TRIM66: variants seen among roughly 807,000 people sequenced by gnomAD.
TRIM66 encodes tripartite motif-containing protein 66.
TRIM66 carries 99 observed loss-of-function variants against 148.2 expected under a neutral mutation model. The observed-to-expected ratio is 0.67, with a 90% CI of 0.57 to 0.79. The LOEUF (loss-of-function observed/expected upper bound fraction) is 0.79, where lower values mean the gene tolerates loss of function less well. TRIM66 is among the 30% of genes least tolerant of loss of function. The pLI, the probability that TRIM66 is intolerant of heterozygous loss-of-function variation, is 0.00. For missense variants in TRIM66, 1,666 were observed against 1,697.9 expected (o/e 0.98, Z 0.33); for synonymous variants, 616 against 635.9 (o/e 0.97, Z 0.47).
chr11:8,622,365 C>CACACATATATATATATATATATATATAT, intron 18 of TRIM66, among the ~76,000 whole-genome samples: 6 of 59,570 alleles, frequency 1.0e-4, no homozygotes, highest in South Asian at 1.1e-3. Context: ...CACACACACA[C>CACACATATATATATATATATATATATAT]ATATATATAT....
intron 15 of TRIM66, among the ~76,000 whole-genome samples, chr11:8,635,950 C>T (rs2035842648): frequency 6.6e-6 from 1 of 152,230 alleles, no homozygotes; most frequent in South Asian, 2.1e-4. Flanking sequence ...TACAACTGAG[C>T]ACTGGCAATG....
intron 19 of TRIM66, 136 bp from the exon 20 acceptor site, chr11:8,621,457 T>A: frequency 7.5e-7 from 1 of 1,335,536 alleles, no homozygotes; most frequent in Non-Finnish European, 1.0e-6. Context: ...GCAAGCCCCA[T>A]GAATGCTGGG....
chr11:8,638,683 G>A lies in TRIM66; in HGVS notation c.2281C>T (p.Gln761Ter). 6.5e-7 allele frequency: 1 copy of A among 1,549,630 alleles called. No individual in the cohort carries two copies. The highest frequency in any genetic ancestry group is 8.7e-7 in the Non-Finnish European group (1 of 1,146,314). Residue 761 changes from glutamine to a stop codon, truncating the protein, a stop_gained, in exon 15 of 25, where the codon CAG (glutamine) becomes TAG (stop). Coordinates refer to ENST00000646038, the MANE Select transcript of TRIM66 (RefSeq NM_001388022.1). LOFTEE classifies it high-confidence loss of function. ...CTCACCACATTTGGAGAGGAGTGCT[G>A]GATGGTGCTGTCCACTGGGGGGACA... ...LSVPPVDSTI[Q>*]HSSPNVVRKH...
intron 10 of TRIM66, among the ~76,000 whole-genome samples, chr11:8,646,809 C>T (rs2036884955): frequency 6.6e-6 from 1 of 152,050 alleles, no homozygotes. Context: ...CCCAGTAGCC[C>T]ACCAGTTGAC....
chr11:8,659,072 G>C (rs1032738902), intron 6 of TRIM66, among the ~76,000 whole-genome samples: 3 of 151,930 alleles, frequency 2.0e-5, no homozygotes, highest in Non-Finnish European at 2.9e-5. Context: ...AGAATGAACA[G>C]GGTTGACTGG....
chr11:8,648,111 C>T (rs1413184399), intron 9 of TRIM66, 25 bp from the exon 10 acceptor site: 1 of 1,522,792 alleles, frequency 6.6e-7, no homozygotes. Context: ...AGAGAAAAAG[C>T]TGAGAAGGGC....
At chr11:8,621,570 A>T in intron 19 of TRIM66, 75 bp downstream of exon 19, 1 of 1,449,430 alleles carries the variant, frequency 6.9e-7, no homozygotes, top group Non-Finnish European at 9.1e-7. Context: ...CCAGAGTCAG[A>T]ATTCGGGCAG....
In TRIM66 at chr11:8,612,755, A is replaced by T. The variant is rs2033474704; in HGVS notation, c.*5189T>A. On this transcript the variant is annotated 3_prime_UTR_variant, in exon 25 of 25. Coordinates refer to ENST00000646038, the MANE Select transcript of TRIM66 (RefSeq NM_001388022.1). ...CATCCGAATGTTATCAGCAGCAGGC[A>T]CCCACCCTGCCAGGTTCTCCTCCTG... 1 of 152,304 alleles carries T rather than the reference A, an allele frequency of 6.6e-6. No individual in the cohort carries two copies. The highest frequency in any genetic ancestry group is 1.5e-5 in the Non-Finnish European group (1 of 68,162). 9.4% of individuals were successfully genotyped at this position (152,304 alleles called of 1,614,324 possible).
intron 6 of TRIM66, among the ~76,000 whole-genome samples, chr11:8,669,189 T>G (rs947981353): frequency 6.6e-6 from 1 of 152,224 alleles, no homozygotes; most frequent in African/African-American, 2.4e-5. Context: ...CTTATGTTGA[T>G]GCATTGAGAC....
At chr11:8,650,028 TG>T (rs1174622861) in intron 7 of TRIM66, 141 bp from the exon 8 acceptor site, 1 of 980,308 alleles carries the variant, frequency 1.0e-6, no homozygotes, top group Non-Finnish European at 1.5e-6. Flanking sequence ...CAGAGCTGTC[TG>T]GGAGTAACAT....
chr11:8,636,565 T>C (rs2035899142), intron 15 of TRIM66, among the ~76,000 whole-genome samples: 1 of 152,006 alleles, frequency 6.6e-6, no homozygotes. Flanking sequence ...GATGGGAGCA[T>C]GGGAAAACAC....
chr11:8,629,271 G>A (rs1273377491), intron 15 of TRIM66, among the ~76,000 whole-genome samples: 6 of 152,060 alleles, frequency 3.9e-5, no homozygotes, highest in South Asian at 2.1e-4. Flanking sequence ...ATTTCATTCC[G>A]TTTTGCAATA....
chr11:8,677,506 G>A (rs146325940), intron 3 of TRIM66, among the ~76,000 whole-genome samples: 26 of 152,208 alleles, frequency 1.7e-4, no homozygotes, highest in Middle Eastern at 3.4e-3. Context: ...GAGGCTGGGC[G>A]TGATGGTCAT....
In TRIM66 at chr11:8,649,895, CAG is replaced by C. The variant is rs1251167411; in HGVS notation, c.445-10_445-9del. 3.2e-6 allele frequency: 5 copies of C among 1,550,028 alleles called. No individual in the cohort carries two copies. Among genetic ancestry groups the C allele is most frequent in the African/African-American group, 2.7e-5 (2 of 73,132 alleles). ...CTTGCACTCAGAGCAGTTCTGGAAG[CAG>C]AGAGTTCTGGAGTTACTGATGTTAT... On this transcript the variant is annotated splice_polypyrimidine_tract_variant and intron_variant, in intron 7 of 24. Coordinates refer to ENST00000646038, the MANE Select transcript of TRIM66 (RefSeq NM_001388022.1).
intron 12 of TRIM66, 92 bp from the exon 13 acceptor site, chr11:8,643,218 A>G (rs1347816564): frequency 2.8e-6 from 3 of 1,076,470 alleles, no homozygotes; most frequent in East Asian, 2.7e-5. Context: ...TGAAAGGCTC[A>G]AAGTCATGGC....
chr11:8,645,738 T>A lies in TRIM66; in HGVS notation c.1104+3A>T. On this transcript the variant is annotated splice_donor_region_variant and intron_variant, in intron 12 of 24. Coordinates refer to ENST00000646038, the MANE Select transcript of TRIM66 (RefSeq NM_001388022.1). ...GGCTGAGGAGTTGGGAGATTCCTCTTACCAGCTCTTTGCTGAAAAGAAAAG... is the reference window on the plus strand; with the variant it reads ...GGCTGAGGAGTTGGGAGATTCCTCTAACCAGCTCTTTGCTGAAAAGAAAAG... The A allele has an allele frequency of 1.3e-6, 2 of 1,551,618 alleles. No individual in the cohort carries two copies. Among genetic ancestry groups the A allele is most frequent in the Non-Finnish European group, 1.7e-6 (2 of 1,146,878 alleles).
intron 17 of TRIM66, 107 bp from the exon 18 acceptor site, chr11:8,622,983 T>G (rs4929948): frequency 0.62 from 586,496 of 949,420 alleles, 183,903 homozygotes; most frequent in Non-Finnish European, 0.65. Flanking sequence ...GCCACACATC[T>G]GTCATACAGT....
intron 10 of TRIM66, 47 bp from the exon 11 acceptor site, chr11:8,646,608 A>G (rs1367110860): frequency 6.9e-6 from 10 of 1,447,312 alleles, no homozygotes; most frequent in Admixed American, 2.0e-5. Context: ...CTCATGGACT[A>G]TATGAAGACG....
At chr11:8,673,217 C>T (rs1217753547) in intron 4 of TRIM66, among the ~76,000 whole-genome samples, 1 of 152,020 alleles carries the variant, frequency 6.6e-6, no homozygotes, top group Non-Finnish European at 1.5e-5. Context: ...CATGAGCCAC[C>T]GAGCCCGGCC....
Sources: allele counts gnomAD v4.1 joint callset (sites outside exome capture counted in the v4.1 genomes callset), GRCh38; gene constraint gnomAD v4.1.1; transcripts MANE v1.5; gene names NCBI Gene and HGNC (gene_info 2026-07-23, HGNC 2026-07-21).